The following SOX5 variants were observed in gnomAD, a reference collection of about 807,000 sequenced individuals.
SOX5 encodes SRY-box transcription factor 5.
SOX5 carries 9 observed loss-of-function variants against 92.0 expected under a neutral mutation model. That is an observed-to-expected ratio of 0.10 (90% CI 0.06 to 0.17). The LOEUF is 0.17. SOX5 is among the 10% of genes least tolerant of loss of function. SOX5 has a pLI of 1.00. For missense variants in SOX5, 642 were observed against 944.5 expected, an observed-to-expected ratio of 0.68 and a Z score of 4.20; for synonymous variants, 344 against 336.3, an observed-to-expected ratio of 1.02 and a Z score of -0.25.
chr12:24,272,560 T>A (rs1411292818), intron 3 of SOX5, among the ~76,000 whole-genome samples: 1 of 152,178 alleles, frequency 6.6e-6, no homozygotes, highest in South Asian at 2.1e-4. Context: ...TTCCAAAAAA[T>A]TTTTAATACA....
intron 1 of SOX5, among the ~76,000 whole-genome samples, chr12:23,917,916 C>A (rs2097434654): frequency 6.6e-6 from 1 of 152,124 alleles, no homozygotes; most frequent in South Asian, 2.1e-4. Flanking sequence ...AGTTTCAAGA[C>A]AGTCCATCAA....
At chr12:24,362,564 G>A (rs570961241) in intron 2 of SOX5, among the ~76,000 whole-genome samples, 1 of 152,202 alleles carries the variant, frequency 6.6e-6, no homozygotes, top group Non-Finnish European at 1.5e-5. Context: ...ATCACTATCA[G>A]AATAGACACT....
intron 1 of SOX5, among the ~76,000 whole-genome samples, chr12:23,918,791 C>T (rs1194348366): frequency 6.6e-6 from 1 of 151,934 alleles, no homozygotes; most frequent in East Asian, 1.9e-4. Context: ...GTGGCACATG[C>T]CTGTAATCCC....
At chr12:24,148,481 C>CAA (rs34951170) in intron 4 of SOX5, among the ~76,000 whole-genome samples, 672 of 53,496 alleles carry the variant, frequency 0.013, 37 homozygotes, top group African/African-American at 0.024. Context: ...GGCTCCATGT[C>CAA]AAAAAAAAAA....
At chr12:23,653,030 A>AGATGGATGGATGGATG (rs377588371) in intron 7 of SOX5, among the ~76,000 whole-genome samples, 2 of 115,762 alleles carry the variant, frequency 1.7e-5, no homozygotes, top group African/African-American at 3.4e-5. Context: ...ATGTACAGAT[A>AGATGGATGGATGGATG]GATGGATGGA....
chr12:23,903,530 C>T (rs1388793372), intron 1 of SOX5, among the ~76,000 whole-genome samples: 4 of 152,166 alleles, frequency 2.6e-5, no homozygotes, highest in African/African-American at 9.7e-5. Flanking sequence ...CTGCAGTGAG[C>T]TATGATAGTG....
chr12:24,129,970 CAT>C (rs1180409242), intron 4 of SOX5, among the ~76,000 whole-genome samples: 1 of 152,074 alleles, frequency 6.6e-6, no homozygotes, highest in Non-Finnish European at 1.5e-5. Flanking sequence ...TAAAAATGCA[CAT>C]GTGTGCTTGT....
intron 2 of SOX5, among the ~76,000 whole-genome samples, chr12:23,868,174 T>C (rs2096835842): frequency 6.6e-6 from 1 of 151,988 alleles, no homozygotes; most frequent in Admixed American, 6.6e-5. Context: ...CTTTTAATAT[T>C]AGCTGGTTTA....
chr12:24,208,265 T>C (rs1396655081), intron 4 of SOX5, among the ~76,000 whole-genome samples: 1 of 152,162 alleles, frequency 6.6e-6, no homozygotes, highest in African/African-American at 2.4e-5. Flanking sequence ...AAGAATTAAT[T>C]AATCCAAGGC....
chr12:24,249,222 T>A (rs764746842), intron 3 of SOX5, among the ~76,000 whole-genome samples: 2 of 152,208 alleles, frequency 1.3e-5, no homozygotes, highest in Non-Finnish European at 2.9e-5. Context: ...AGGCCTTTCA[T>A]AGGCTTGCAC....
chr12:24,102,330 G>C (rs986959370), intron 4 of SOX5, among the ~76,000 whole-genome samples: 1 of 152,136 alleles, frequency 6.6e-6, no homozygotes, highest in African/African-American at 2.4e-5. Context: ...TAGTAAATTT[G>C]CAATAACACC....
rs533181401 is a variant in SOX5 at position 24,003,300 on chromosome 12, T to C, written c.-1-107276A>G. Among the ~76,000 whole-genome samples, 9 of 152,188 alleles carry C rather than the reference T, an allele frequency of 5.9e-5. No individual in the cohort carries two copies. In the South Asian group the frequency reaches 1.0e-3, roughly 17 times the overall value. On this transcript the variant is annotated intron_variant, in intron 4 of 4. Coordinates refer to the SOX5 transcript ENST00000446891. ...CCATTTAACATTGTACTGGAGGTTC[T>C]AGCCAGTATAATGAGTTAAGAAAAA... is the stretch of plus-strand genomic sequence containing the variant.
At chr12:23,995,806 A>G (rs1357166424) in intron 4 of SOX5, among the ~76,000 whole-genome samples, 1 of 152,218 alleles carries the variant, frequency 6.6e-6, no homozygotes, top group African/African-American at 2.4e-5. Flanking sequence ...TCGTAGTTAC[A>G]TATTATTTAC....
chr12:24,175,017 T>TAATCAAAGG (rs1954649497), intron 4 of SOX5, among the ~76,000 whole-genome samples: 1 of 152,198 alleles, frequency 6.6e-6, no homozygotes, highest in Non-Finnish European at 1.5e-5. Context: ...TTATGAGGCA[T>TAATCAAAGG]CCCTTCACAG....
At chr12:23,547,291 G>T (rs1438104814) in intron 11 of SOX5, among the ~76,000 whole-genome samples, 5 of 152,098 alleles carry the variant, frequency 3.3e-5, no homozygotes, top group Admixed American at 1.3e-4. Flanking sequence ...ACTGCTCTGA[G>T]GATGATGTAG....
chr12:23,988,034 G>T (rs777134839), intron 4 of SOX5, among the ~76,000 whole-genome samples: 10 of 152,100 alleles, frequency 6.6e-5, no homozygotes, highest in Non-Finnish European at 1.0e-4. Context: ...TAGAAATAAA[G>T]AAAACTTAGC....
At chr12:24,020,600 C>T (rs1027255648) in intron 4 of SOX5, among the ~76,000 whole-genome samples, 2 of 152,122 alleles carry the variant, frequency 1.3e-5, no homozygotes, top group Non-Finnish European at 2.9e-5. Flanking sequence ...AGAAATGTAG[C>T]TATGCACTAC....
At chr12:23,658,153 A>G (rs1434624058) in intron 7 of SOX5, among the ~76,000 whole-genome samples, 1 of 152,220 alleles carries the variant, frequency 6.6e-6, no homozygotes, top group Non-Finnish European at 1.5e-5. Context: ...ATAATAAAGT[A>G]CAGTATAAGC....
chr12:24,295,184 GTA>G (rs938384201), intron 2 of SOX5, among the ~76,000 whole-genome samples: 28 of 151,962 alleles, frequency 1.8e-4, no homozygotes, highest in African/African-American at 6.8e-4. Context: ...GTAAACATAA[GTA>G]TATATGAGAA....
Sources: gnomAD v4.1 joint callset for allele counts (sites outside exome capture counted in the v4.1 genomes callset) on GRCh38, gnomAD v4.1.1 for gene constraint, MANE v1.5 for transcripts, NCBI Gene and HGNC (gene_info 2026-07-23, HGNC 2026-07-21) for gene names.